The following NEK9 variants were observed in gnomAD, a reference collection of about 807,000 sequenced individuals.
The protein encoded by NEK9 is serine/threonine-protein kinase Nek9.
A neutral mutation model predicts 123.4 loss-of-function variants in NEK9; 75 were observed. The ratio of observed to expected loss-of-function variants is 0.61; its 90% CI spans 0.50 to 0.74. The LOEUF (loss-of-function observed/expected upper bound fraction) is 0.74, where lower values mean the gene tolerates loss of function less well. Ranked by LOEUF, NEK9 falls within the 30% of genes least tolerant of loss-of-function variation. The probability of loss-of-function intolerance (pLI) is 0.00; values close to 1 mark genes in which losing one functional copy is unlikely to be tolerated. For synonymous variants in NEK9, 438 were observed against 458.7 expected (o/e 0.95, Z 0.58); for missense variants, 952 against 1,214.4 (o/e 0.78, Z 3.21).
chr14:75,082,089 C>CGGA lies in NEK9; in HGVS notation c.*2474_*2475insTCC, dbSNP rs1893881905. 6.6e-6 allele frequency: 1 copy of CGGA among 152,176 alleles called. No individual in the cohort carries two copies. The highest frequency in any genetic ancestry group is 2.4e-5 in the African/African-American group (1 of 41,454). 9.4% of individuals were successfully genotyped at this position (152,176 alleles called of 1,614,324 possible). On this transcript the variant is annotated 3_prime_UTR_variant, in exon 22 of 22. Transcript: ENST00000238616. ...ATGTTTTATCCCCAGAGACTAAGGT[C>CGGA]CATGCACAGGCTTACTGAAGCACAG...
At chr14:75,093,793 G>A (rs1166478927) in intron 18 of NEK9, among the ~76,000 whole-genome samples, 1 of 152,138 alleles carries the variant, frequency 6.6e-6, no homozygotes, top group Non-Finnish European at 1.5e-5. Context: ...AAGGCATGTA[G>A]TCTGCTGCAA....
chr14:75,117,422 T>A (rs1362648876), intron 5 of NEK9, 96 bp from the exon 6 acceptor site: 28 of 1,337,338 alleles, frequency 2.1e-5, no homozygotes, highest in Non-Finnish European at 2.7e-5. Flanking sequence ...GAACTAGTCA[T>A]AACAACCATA....
chr14:75,101,792 A>G lies in NEK9; in HGVS notation c.1732-27T>C, dbSNP rs1452422319. 2.0e-6 allele frequency: 3 copies of G among 1,504,614 alleles called. No individual in the cohort carries two copies. In the East Asian group the frequency reaches 6.8e-5, roughly 34 times the overall value. The allele number at this position is 1,504,614 out of a possible 1,614,324, so 93.2% of individuals were successfully genotyped here. A position where few individuals can be genotyped will look rare whatever the true frequency, so the allele number is the denominator to read the frequency against. On this transcript the variant is annotated intron_variant, in intron 14 of 21. Coordinates refer to ENST00000238616, the MANE Select transcript of NEK9 (RefSeq NM_033116.6). The stretch of plus-strand genomic sequence containing the variant: ...TGAAACAAAATAAAACACAAAGCAG[A>G]TGCATGAGGTAAGAAAATCGAAGGA...
intron 18 of NEK9, 139 bp downstream of exon 18, chr14:75,095,230 TATG>T (rs1894343234): frequency 1.0e-5 from 6 of 577,262 alleles, no homozygotes; most frequent in Non-Finnish European, 1.6e-5. Context: ...CCAAACAAAA[TATG>T]ATCTTCTCTC....
chr14:75,127,185 C>A (rs1477973619), upstream of NEK9: 2 of 434,154 alleles, frequency 4.6e-6, no homozygotes, highest in Admixed American at 4.6e-5. Flanking sequence ...AGTGAGGCCT[C>A]GGGCTAGGGT....
At chr14:75,108,812 C>CCCGAAGTGCTGAG (rs2046393019) in intron 10 of NEK9, among the ~76,000 whole-genome samples, 1 of 152,144 alleles carries the variant, frequency 6.6e-6, no homozygotes, top group African/African-American at 2.4e-5. Flanking sequence ...GCCTTGGCCT[C>CCCGAAGTGCTGAG]CCGAAGTGCT....
chr14:75,122,670 A>G (rs957979088), intron 2 of NEK9, among the ~76,000 whole-genome samples: 1 of 151,008 alleles, frequency 6.6e-6, no homozygotes, highest in Non-Finnish European at 1.5e-5. Flanking sequence ...ATGCACAGCT[A>G]ATTTTTGTTA....
At position 75,103,830 on chromosome 14, in the gene NEK9, C is replaced by A. The variant is rs1306986619; in HGVS notation, c.1731+12G>T. ...CTGATGATGTGGTTAGAACACCAAT[C>A]AGGACACTCACTTCATGGTTGATAA... On this transcript the variant is annotated intron_variant, in intron 14 of 21. Coordinates refer to ENST00000238616, the MANE Select transcript of NEK9 (RefSeq NM_033116.6). 5.0e-6 allele frequency: 8 copies of A among 1,601,562 alleles called. No individual in the cohort carries two copies. Among genetic ancestry groups the A allele is most frequent in the African/African-American group, 1.3e-5 (1 of 74,384 alleles).
intron 4 of NEK9, among the ~76,000 whole-genome samples, chr14:75,120,087 G>A (rs1400039047): frequency 6.6e-6 from 1 of 152,156 alleles, no homozygotes; most frequent in Non-Finnish European, 1.5e-5. Context: ...TGTTTTTAAA[G>A]ATCTGGTAAA....
intron 18 of NEK9, among the ~76,000 whole-genome samples, chr14:75,095,020 T>C (rs1224048333): frequency 6.6e-6 from 1 of 152,188 alleles, no homozygotes; most frequent in East Asian, 1.9e-4. Flanking sequence ...TTTGGTGAAC[T>C]ATTTCTTTAG....
At position 75,097,086 on chromosome 14, in the gene NEK9, T is replaced by C. The variant is rs1894411119; in HGVS notation, c.2173+14A>G. On this transcript the variant is annotated intron_variant, in intron 17 of 21. Coordinates refer to ENST00000238616, the MANE Select transcript of NEK9 (RefSeq NM_033116.6). ...GTCAAAGCCATCCCAACCCCAGACA[T>C]ATGAAACTCTTACCAACGATGAGAA... is the stretch of plus-strand genomic sequence containing the variant. 3 of 1,592,718 alleles carry C rather than the reference T, an allele frequency of 1.9e-6. No individual in the cohort carries two copies. Among genetic ancestry groups the C allele is most frequent in the African/African-American group, 2.7e-5 (2 of 74,474 alleles).
intron 16 of NEK9, among the ~76,000 whole-genome samples, chr14:75,098,199 C>T (rs980527200): frequency 9.2e-5 from 14 of 152,148 alleles, no homozygotes; most frequent in African/African-American, 2.7e-4. Context: ...AGGAAGTTGC[C>T]ATTTACTGAG....
chr14:75,124,226 A>G lies in NEK9; in HGVS notation c.220-3T>C. The G allele has an allele frequency of 6.2e-7, 1 of 1,613,150 alleles. No homozygotes were observed. The highest frequency in any genetic ancestry group is 8.5e-7 in the Non-Finnish European group (1 of 1,179,196). ...TTCCACACAACCAGTGAGTCATCCT[A>G]AACACAGTAACAGAGGTATCGTGCT... On this transcript the variant is annotated splice_region_variant and splice_polypyrimidine_tract_variant and intron_variant, in intron 1 of 21. Transcript: ENST00000238616.
intron 16 of NEK9, among the ~76,000 whole-genome samples, chr14:75,100,274 C>T (rs549123699): frequency 2.6e-5 from 4 of 151,290 alleles, no homozygotes; most frequent in Non-Finnish European, 4.4e-5. Flanking sequence ...AAAGAAACCC[C>T]GTCTCTACTA....
At chr14:75,091,745 G>A (rs544870637) in intron 18 of NEK9, 15 of 343,092 alleles carry the variant, frequency 4.4e-5, no homozygotes, top group African/African-American at 3.2e-4. Flanking sequence ...TCCATAGCAG[G>A]TTATCAATAT....
chr14:75,106,483 G>C lies in NEK9; in HGVS notation c.1528+19C>G. On this transcript the variant is annotated intron_variant, in intron 12 of 21. Coordinates refer to ENST00000238616, the MANE Select transcript of NEK9 (RefSeq NM_033116.6). Reference sequence around the variant, plus strand: ...TTGTATACCTGTGAAGAAGTGGACAGAGACAAGGCTACCCCTACCATATTC... The same window carrying C: ...TTGTATACCTGTGAAGAAGTGGACACAGACAAGGCTACCCCTACCATATTC... The C allele has an allele frequency of 6.2e-7, 1 of 1,612,332 alleles. No individual in the cohort carries two copies. Among genetic ancestry groups the C allele is most frequent in the Non-Finnish European group, 8.5e-7 (1 of 1,179,132 alleles).
chr14:75,121,110 A>G lies in NEK9; in HGVS notation c.453+9T>C, dbSNP rs1255618429. On this transcript the variant is annotated intron_variant, in intron 3 of 21. Transcript: ENST00000238616. ...AATTCTAACTTCCTTCCACAGAAAT[A>G]TGAATTACCTCTTCCTCAAACAACT... 1.9e-6 allele frequency: 3 copies of G among 1,604,370 alleles called. No individual in the cohort carries two copies. Among genetic ancestry groups the G allele is most frequent in the African/African-American group, 1.3e-5 (1 of 74,772 alleles).
chr14:75,108,559 ATAT>A (rs765395280), intron 10 of NEK9, among the ~76,000 whole-genome samples: 1 of 149,996 alleles, frequency 6.7e-6, no homozygotes, highest in Non-Finnish European at 1.5e-5. Flanking sequence ...GTATATATAT[ATAT>A]TTTTTTTTTT....
In NEK9 at chr14:75,091,355, C is replaced by T. The variant is rs114347531; in HGVS notation, c.2357G>A (p.Arg786Gln). Residue 786 changes from arginine to glutamine, a missense_variant, in exon 19 of 22, where the codon CGA becomes CAA. Physicochemically the swap from Arg to Gln is conservative, Grantham distance 43. Coordinates refer to ENST00000238616, the MANE Select transcript of NEK9 (RefSeq NM_033116.6). ...GGFRGTMEAD[R>Q]GMEGLISPTE... The stretch of plus-strand genomic sequence containing the variant: ...GGGACTGATTAAACCTTCCATTCCT[C>T]GGTCTGCTTCCATTGTTCCTCGGAA... The T allele has an allele frequency of 7.5e-4, 1,208 of 1,614,118 alleles. 2 individuals carry two copies. The African/African-American group carries it at 0.011, about 15-fold the overall frequency.
Sources: allele counts gnomAD v4.1 joint callset (sites outside exome capture counted in the v4.1 genomes callset), GRCh38; gene constraint gnomAD v4.1.1; transcripts MANE v1.5; gene names NCBI Gene and HGNC (gene_info 2026-07-23, HGNC 2026-07-21).